Variants in MOK observed in about 807,000 individuals in gnomAD.
MOK encodes MOK protein kinase.
In MOK, 59 loss-of-function variants were observed where a neutral mutation model predicts 54.2. That is an observed-to-expected ratio of 1.09 (90% CI 0.88 to 1.35). The LOEUF (loss-of-function observed/expected upper bound fraction) is 1.35, where lower values mean the gene tolerates loss of function less well. MOK is among the 40% of genes most tolerant of loss of function. The pLI, the probability that MOK is intolerant of heterozygous loss-of-function variation, is 0.00. For missense variants in MOK, 517 were observed against 526.2 expected (o/e 0.98, Z 0.17); for synonymous variants, 210 against 202.7 (o/e 1.04, Z -0.31).
intron 2 of MOK, among the ~76,000 whole-genome samples, chr14:102,281,813 G>C (rs1179726025): frequency 2.0e-5 from 3 of 152,124 alleles, no homozygotes. Flanking sequence ...TGGTTTACAA[G>C]TAAAGATGGA....
At chr14:102,277,013 C>CTTTT (rs550427492) in intron 2 of MOK, among the ~76,000 whole-genome samples, 3 of 99,950 alleles carry the variant, frequency 3.0e-5, no homozygotes, top group Non-Finnish European at 4.2e-5. Flanking sequence ...ATGCCCTGGT[C>CTTTT]TTTTTTTTTT....
intron 1 of MOK, among the ~76,000 whole-genome samples, chr14:102,289,026 C>T (rs1346609362): frequency 1.3e-5 from 2 of 152,140 alleles, no homozygotes; most frequent in East Asian, 3.9e-4. Context: ...CCTCAGCCTT[C>T]TGAGTAGCTG....
intron 4 of MOK, among the ~76,000 whole-genome samples, chr14:102,252,454 CA>C (rs981737314): frequency 1.0e-3 from 145 of 139,598 alleles, no homozygotes; most frequent in African/African-American, 1.6e-3. Flanking sequence ...AAACTCCGTC[CA>C]AAAAAAAAAA....
chr14:102,220,898 G>A (rs1437501806), downstream of MOK, among the ~76,000 whole-genome samples: 1 of 152,008 alleles, frequency 6.6e-6, no homozygotes, highest in African/African-American at 2.4e-5. This position sits in a 1 kb window ranked among gnomAD's most constrained non-coding sequence, Gnocchi z 4.2. Context: ...AGCCTCCTGA[G>A]TAGCTGGGAT....
At chr14:102,237,234 G>A (rs955468743) in intron 7 of MOK, among the ~76,000 whole-genome samples, 57 of 152,038 alleles carry the variant, frequency 3.7e-4, no homozygotes, top group African/African-American at 1.2e-3. Context: ...CCTTCAATAC[G>A]TGGACAATCT....
downstream of MOK, chr14:102,224,922 T>C: frequency 2.5e-6 from 1 of 396,914 alleles, no homozygotes; most frequent in Non-Finnish European, 4.9e-6. Context: ...TTAGGTACTT[T>C]GGTATTTCTG....
downstream of MOK, chr14:102,226,088 G>GT: frequency 1.8e-6 from 1 of 558,012 alleles, no homozygotes. This position sits in a 1 kb window ranked among gnomAD's most constrained non-coding sequence, Gnocchi z 4.8. Context: ...GGAGGTCACG[G>GT]TCGCACTGCT....
Position 102,229,522 on chromosome 14 carries a change from C to A in MOK, c.1117G>T (p.Gly373Ter). ...YSSPTLQSVL[G>*]SGTNGRVPVL... ...GGCACTCTTCCATTTGTTCCAGATCCAAGCACGGACTGCAGCGTGGGGCTG... is the reference window on the plus strand; with the variant it reads ...GGCACTCTTCCATTTGTTCCAGATCAAAGCACGGACTGCAGCGTGGGGCTG... Residue 373 changes from glycine to a stop codon, truncating the protein, a stop_gained, in exon 11 of 12, where the codon GGA becomes TGA. Coordinates refer to ENST00000361847, the MANE Select transcript of MOK (RefSeq NM_014226.3). LOFTEE classifies it high-confidence loss of function. 1 of 1,614,176 alleles carries A rather than the reference C, an allele frequency of 6.2e-7. No individual in the cohort carries two copies. The highest frequency in any genetic ancestry group is 8.5e-7 in the Non-Finnish European group (1 of 1,180,038).
At chr14:102,258,284 C>T (rs552567323) in intron 4 of MOK, among the ~76,000 whole-genome samples, 2 of 152,282 alleles carry the variant, frequency 1.3e-5, no homozygotes, top group African/African-American at 4.8e-5. Context: ...TACTCCGTTT[C>T]CTGCAACTCT....
At chr14:102,224,574 A>G, downstream of MOK, 1 of 456,112 alleles carries the variant, frequency 2.2e-6, no homozygotes. Context: ...TCATCACATT[A>G]AATTGGGGGC....
chr14:102,269,944 A>G (rs190021830), intron 2 of MOK, among the ~76,000 whole-genome samples: 18 of 152,382 alleles, frequency 1.2e-4, no homozygotes, highest in Admixed American at 1.1e-3. Flanking sequence ...TGACATTTAC[A>G]GAACAGTATA....
At chr14:102,222,926 G>A (rs371961127), downstream of MOK, 12 of 1,612,184 alleles carry the variant, frequency 7.4e-6, no homozygotes, top group Middle Eastern at 1.7e-4. The surrounding 1 kb of genome is among the most constrained non-coding windows in gnomAD (Gnocchi z 4.4). Flanking sequence ...ACTTGGACTC[G>A]AGGGAGTGAC....
At chr14:102,270,539 T>G (rs928800840) in intron 2 of MOK, among the ~76,000 whole-genome samples, 1 of 151,754 alleles carries the variant, frequency 6.6e-6, no homozygotes, top group Non-Finnish European at 1.5e-5. Context: ...AGGCAGAGGT[T>G]GCAGTGAGGC....
At chr14:102,222,745 C>T (rs1296656788), downstream of MOK, 6 of 1,467,078 alleles carry the variant, frequency 4.1e-6, no homozygotes, top group Admixed American at 3.4e-5. This position sits in a 1 kb window ranked among gnomAD's most constrained non-coding sequence, Gnocchi z 4.4. Flanking sequence ...GTTTTGACCA[C>T]GTGGAGCTGC....
At chr14:102,261,247 C>A in intron 4 of MOK, among the ~76,000 whole-genome samples, 1 of 95,122 alleles carries the variant, frequency 1.1e-5, no homozygotes, top group African/African-American at 6.6e-5. Context: ...GAGCGAGACT[C>A]TGCCTACAAA....
At chr14:102,226,530 A>G (rs1038411522), downstream of MOK, 7 of 686,298 alleles carry the variant, frequency 1.0e-5, no homozygotes, top group African/African-American at 7.0e-5. The surrounding 1 kb of genome is among the most constrained non-coding windows in gnomAD (Gnocchi z 4.8). Context: ...CCCCGGCAGC[A>G]GGGCAAGGTG....
Position 102,263,577 on chromosome 14 carries a change from A to G in MOK, c.252T>C (p.Leu84=), listed in dbSNP as rs1470286327. 6.2e-7 allele frequency: 1 copy of G among 1,606,902 alleles called. No homozygotes were observed. The highest frequency in any genetic ancestry group is 1.7e-5 in the Admixed American group (1 of 58,518). ...KSGSLALICE[L]MDMNIYELIR... is the part of the protein sequence containing the mutation. ...TTAGCTCATAAATATTCATGTCCAT[A>G]AGTTCACATATTAGTGCAAGAGAAC... The change falls in exon 4 of 12, where the codon CTT becomes CTC. Residue 84 remains leucine, a synonymous_variant. Transcript: ENST00000361847.
In MOK at chr14:102,249,006, G is replaced by A. The variant is rs1292182362; in HGVS notation, c.590+1806C>T. Among the ~76,000 whole-genome samples, 1 of 151,656 alleles carries A rather than the reference G, an allele frequency of 6.6e-6. No individual in the cohort carries two copies. The highest frequency in any genetic ancestry group is 1.5e-5 in the Non-Finnish European group (1 of 68,016). On this transcript the variant is annotated intron_variant, in intron 7 of 11. Coordinates refer to ENST00000361847, the MANE Select transcript of MOK (RefSeq NM_014226.3). The surrounding 1 kb of genome is among the most constrained non-coding windows in gnomAD (Gnocchi z 5.3). ...TCTGCCTAGTCCCCTCGACCAGGCA[G>A]ACTCGCTCACACGGAACGCGAGGAA...
intron 1 of MOK, among the ~76,000 whole-genome samples, chr14:102,292,101 T>C (rs1366295317): frequency 1.3e-5 from 2 of 152,164 alleles, no homozygotes; most frequent in Middle Eastern, 3.2e-3. Context: ...CCTATACCCC[T>C]AATTTTAGGT....
Sources: allele counts gnomAD v4.1 joint callset (sites outside exome capture counted in the v4.1 genomes callset), GRCh38; gene constraint gnomAD v4.1.1; non-coding constraint Gnocchi (gnomAD v3.1); transcripts MANE v1.5; gene names NCBI Gene and HGNC (gene_info 2026-07-23, HGNC 2026-07-21).